Variants in STX1B observed in about 807,000 individuals in gnomAD.
STX1B encodes syntaxin-1B.
In STX1B, 7 loss-of-function variants were observed where a neutral mutation model predicts 39.4. The ratio of observed to expected loss-of-function variants is 0.18; its 90% CI spans 0.10 to 0.33. STX1B has a LOEUF of 0.33. Among genes scored for constraint, STX1B ranks in the 10% least tolerant of loss-of-function variants. STX1B has a pLI of 1.00. For missense variants in STX1B, 198 were observed against 383.2 expected (o/e 0.52, Z 4.04); for synonymous variants, 136 against 144.1 (o/e 0.94, Z 0.40).
chr16:31,009,656 C>T (rs1214544492), intron 1 of STX1B, among the ~76,000 whole-genome samples: 2 of 152,026 alleles, frequency 1.3e-5, no homozygotes, highest in East Asian at 3.9e-4. Flanking sequence ...CCTCTTCAGG[C>T]CTGCAGACCT....
At chr16:31,007,755 C>G (rs2056661925) in intron 1 of STX1B, among the ~76,000 whole-genome samples, 1 of 152,170 alleles carries the variant, frequency 6.6e-6, no homozygotes, top group Non-Finnish European at 1.5e-5. Context: ...GAGAAATAAA[C>G]AAGCCATCTG....
chr16:30,996,828 G>A, intron 6 of STX1B, 72 bp from the exon 7 acceptor site: 1 of 1,586,130 alleles, frequency 6.3e-7, no homozygotes, highest in African/African-American at 1.3e-5. Flanking sequence ...GATGGGGCGG[G>A]GACCTGGGGC....
At chr16:30,999,373 G>C (rs1388243325) in intron 4 of STX1B, among the ~76,000 whole-genome samples, 2 of 152,206 alleles carry the variant, frequency 1.3e-5, no homozygotes, top group African/African-American at 4.8e-5. Context: ...AGCTGATATA[G>C]CTCCTCTTCC....
chr16:31,005,613 C>T (rs2056651345), intron 1 of STX1B, among the ~76,000 whole-genome samples: 1 of 151,738 alleles, frequency 6.6e-6, no homozygotes, highest in African/African-American at 2.4e-5. Context: ...CAGCCTGCAT[C>T]TCTTGTTTAA....
chr16:31,005,679 G>A (rs977091600), intron 1 of STX1B, among the ~76,000 whole-genome samples: 5 of 152,118 alleles, frequency 3.3e-5, no homozygotes, highest in Non-Finnish European at 7.4e-5. Context: ...AGATGAGGAG[G>A]TGGAGGCGCA....
At chr16:31,009,306 C>T (rs1007585080) in intron 1 of STX1B, among the ~76,000 whole-genome samples, 1 of 152,150 alleles carries the variant, frequency 6.6e-6, no homozygotes, top group Admixed American at 6.6e-5. Context: ...GGACAAGTCC[C>T]TTCCCACGCC....
At chr16:31,004,144 T>C (rs2056645280) in intron 1 of STX1B, among the ~76,000 whole-genome samples, 1 of 152,250 alleles carries the variant, frequency 6.6e-6, no homozygotes, top group African/African-American at 2.4e-5. Flanking sequence ...GAGCACTTGA[T>C]GGTATTTTTT....
chr16:31,008,642 C>T (rs1230705260), intron 1 of STX1B, among the ~76,000 whole-genome samples: 1 of 152,076 alleles, frequency 6.6e-6, no homozygotes, highest in Admixed American at 6.6e-5. Flanking sequence ...ATGAAAGAGC[C>T]TCCCCGTCCA....
At position 31,001,538 on chromosome 16, in the gene STX1B, G is replaced by T. The variant is rs758734411; in HGVS notation, c.96C>A (p.Phe32Leu). 1 of 1,611,564 alleles carries T rather than the reference G, an allele frequency of 6.2e-7. No homozygotes were observed. Among genetic ancestry groups the T allele is most frequent in the Admixed American group, 1.7e-5 (1 of 59,904 alleles). The change falls in exon 2 of 10, where the codon TTC (phenylalanine) becomes TTA (leucine). Residue 32 changes from phenylalanine to leucine, a missense_variant. Coordinates refer to ENST00000215095, the MANE Select transcript of STX1B (RefSeq NM_052874.5). The surrounding 1 kb of genome is among the most constrained non-coding windows in gnomAD (Gnocchi z 5.5). ...CTTGGAGGCCCATTACCTGTTCAAA[G>T]AACTCATCCATGAAGTGGTCCCGAT... ...HVDRDHFMDE[F>L]FEQVEEIRGC...
intron 1 of STX1B, among the ~76,000 whole-genome samples, chr16:31,003,855 A>C (rs1335788637): frequency 6.6e-6 from 1 of 152,242 alleles, no homozygotes; most frequent in Admixed American, 6.5e-5. Context: ...CAGCACCACC[A>C]GCCCTGAGAG....
chr16:31,003,415 T>C (rs1596720839), intron 1 of STX1B, among the ~76,000 whole-genome samples: 1 of 152,130 alleles, frequency 6.6e-6, no homozygotes, highest in South Asian at 2.1e-4. Context: ...CATGATGCTC[T>C]TCACTTTCTC....
At chr16:31,005,470 C>CTTTTTTTT (rs35407745) in intron 1 of STX1B, among the ~76,000 whole-genome samples, 16 of 113,732 alleles carry the variant, frequency 1.4e-4, no homozygotes, top group Non-Finnish European at 1.3e-4. Flanking sequence ...TTTCTTTTTC[C>CTTTTTTTT]TTTTTTTTTT....
chr16:30,996,923 G>C, intron 6 of STX1B, 28 bp downstream of exon 6: 3 of 1,596,954 alleles, frequency 1.9e-6, no homozygotes, highest in Non-Finnish European at 2.6e-6. Flanking sequence ...CAAGGAGTTC[G>C]GGGTCCTGGG....
intron 1 of STX1B, among the ~76,000 whole-genome samples, chr16:31,002,869 T>C (rs1035968439): frequency 6.6e-6 from 1 of 152,140 alleles, no homozygotes; most frequent in East Asian, 1.9e-4. Context: ...AGCATCCACC[T>C]GGGGGTGTAC....
chr16:30,992,896 T>C lies in STX1B; in HGVS notation c.792A>G (p.Lys264=). The C allele has an allele frequency of 6.2e-7, 1 of 1,613,852 alleles. No individual in the cohort carries two copies. The highest frequency in any genetic ancestry group is 8.5e-7 in the Non-Finnish European group (1 of 1,179,904). ...VKYQSKARRK[K]IMIIICCVVL... is the part of the protein sequence containing the mutation. Reference sequence around the variant, plus strand: ...CCACACAGCAAATGATGATCATGATTTTCTTCTGCAGCAGAAAGAGGAGTG... The same window carrying C: ...CCACACAGCAAATGATGATCATGATCTTCTTCTGCAGCAGAAAGAGGAGTG... Residue 264 remains lysine (K), a synonymous_variant, in exon 10 of 10, where the codon AAA becomes AAG. Transcript: ENST00000215095.
intron 1 of STX1B, among the ~76,000 whole-genome samples, chr16:31,002,212 C>T (rs2056633840): frequency 6.6e-6 from 1 of 151,930 alleles, no homozygotes; most frequent in African/African-American, 2.4e-5. Context: ...AGCCGGCTCT[C>T]CCTCGCAGTG....
rs1295690067 is a variant in STX1B at position 31,010,456 on chromosome 16, C to G, written c.-60G>C. 7.6e-7 allele frequency: 1 copy of G among 1,316,480 alleles called. No homozygotes were observed. The highest frequency in any genetic ancestry group is 2.6e-5 in the Admixed American group (1 of 38,364). The allele number at this position is 1,316,480 out of a possible 1,614,324, so 81.5% of individuals were successfully genotyped here. On this transcript the variant is annotated 5_prime_UTR_variant, in exon 1 of 10. Transcript: ENST00000215095. The stretch of plus-strand genomic sequence containing the variant: ...CTGCCTCTGCTGCTGCTCCGGGTCT[C>G]CCGCCTCTGTGCCGGAGGCCGGGGT...
Position 31,001,699 on chromosome 16 carries a change from C to T in STX1B, c.31-96G>A. 1.1e-6 allele frequency: 1 copy of T among 918,258 alleles called. No homozygotes were observed. Among genetic ancestry groups the T allele is most frequent in the Non-Finnish European group, 1.7e-6 (1 of 595,704 alleles). The allele number at this position is 918,258 out of a possible 1,614,324, so 56.9% of individuals were successfully genotyped here. On this transcript the variant is annotated intron_variant, in intron 1 of 9. Transcript: ENST00000215095. The surrounding 1 kb of genome is among the most constrained non-coding windows in gnomAD (Gnocchi z 5.5). Reference sequence around the variant, plus strand: ...CCACCCTCTCCCTGCTATGCACACACAGGTGCTCCCAGCTCTAGGCTCAGA... The same window carrying T: ...CCACCCTCTCCCTGCTATGCACACATAGGTGCTCCCAGCTCTAGGCTCAGA...
chr16:31,008,400 C>T (rs2056665072), intron 1 of STX1B, among the ~76,000 whole-genome samples: 1 of 152,024 alleles, frequency 6.6e-6, no homozygotes, highest in Admixed American at 6.6e-5. Flanking sequence ...AGGCCTCCCC[C>T]TCCCCTGCCT....
Sources: gnomAD v4.1 joint callset for allele counts (sites outside exome capture counted in the v4.1 genomes callset) on GRCh38, gnomAD v4.1.1 for gene constraint, Gnocchi (gnomAD v3.1) non-coding constraint, MANE v1.5 for transcripts, NCBI Gene and HGNC (gene_info 2026-07-23, HGNC 2026-07-21) for gene names.